The following SMG1 variants were observed in gnomAD, a reference collection of about 807,000 sequenced individuals.
SMG1 encodes the protein SMG1 nonsense mediated mRNA decay associated PI3K related kinase, also known as serine/threonine-protein kinase SMG1.
Under a neutral mutation model 419.9 loss-of-function variants are expected in SMG1, and 22 were observed. The observed-to-expected ratio is 0.05, with a 90% CI of 0.04 to 0.07. The LOEUF is 0.07. Ranked by LOEUF, SMG1 falls within the 10% of genes least tolerant of loss-of-function variation. The pLI is 1.00. For synonymous variants in SMG1, 1,538 were observed against 1,553.5 expected, an observed-to-expected ratio of 0.99 and a Z score of 0.23; for missense variants, 3,185 against 4,342.0, an observed-to-expected ratio of 0.73 and a Z score of 7.49.
Position 18,828,255 on chromosome 16 carries a change from C to T in SMG1, c.9604-87G>A, listed in dbSNP as rs369539262. 436 of 1,328,322 alleles carry T rather than the reference C, an allele frequency of 3.3e-4. 9 individuals are homozygous for T. The South Asian group carries it at 5.9e-3, about 18-fold the overall frequency. 82.3% of individuals were successfully genotyped at this position (1,328,322 alleles called of 1,614,324 possible). A position where few individuals can be genotyped will look rare whatever the true frequency, so the allele number is the denominator to read the frequency against. On this transcript the variant is annotated intron_variant, in intron 54 of 62. Transcript: ENST00000446231. Reference sequence around the variant, plus strand: ...GAAGGGAGGCGCAACCTAGGACTGGCGGAAGAGAAAAAAATCCCAGCTGCA... The same window carrying T: ...GAAGGGAGGCGCAACCTAGGACTGGTGGAAGAGAAAAAAATCCCAGCTGCA...
At chr16:18,844,474 TACACACACACACACACACACAC>T (rs71141074) in intron 39 of SMG1, among the ~76,000 whole-genome samples, 15 of 4,172 alleles carry the variant, frequency 3.6e-3, no homozygotes, top group African/African-American at 0.019. Flanking sequence ...CCCGCCCACC[TACACACACACACACACACACAC>T]ACACACACAC....
At chr16:18,810,242 G>A (rs2031254608) in intron 62 of SMG1, among the ~76,000 whole-genome samples, 1 of 152,176 alleles carries the variant, frequency 6.6e-6, no homozygotes, top group Admixed American at 6.5e-5. Context: ...AAACTGACAT[G>A]TGTCTCTTGA....
At chr16:18,919,529 C>G (rs1416772693) in intron 1 of SMG1, among the ~76,000 whole-genome samples, 1 of 151,436 alleles carries the variant, frequency 6.6e-6, no homozygotes, top group Non-Finnish European at 1.5e-5. Context: ...GAGGATGAGG[C>G]AGGAGAATGG....
Position 18,879,499 on chromosome 16 carries a change from G to A in SMG1, c.1514C>T (p.Thr505Met), listed in dbSNP as rs555498556. The part of the protein sequence containing the change: ...DYIISVLNLL[T>M]LIVEQINTKL... ...GGAAAAGAATAATTCACATACCAGC[G>A]TGAGTAAATTCAAGACTGAGATGAT... is the stretch of plus-strand genomic sequence containing the variant. The change falls in exon 11 of 63, where the codon ACG (threonine) becomes ATG (methionine). Residue 505 changes from threonine (T) to methionine (M), a missense_variant. Thr to Met is a moderately conservative substitution (Grantham distance 81). Around this residue, in one of 27 missense-constraint regions of SMG1, gnomAD observed 297 missense variants for 491.0 expected, o/e 0.60. Transcript: ENST00000446231. The A allele has an allele frequency of 2.3e-4, 184 of 815,364 alleles. 1 individual carries two copies. Among genetic ancestry groups the A allele is most frequent in the African/African-American group, 2.1e-3 (122 of 59,284 alleles). The allele number at this position is 815,364 out of a possible 1,614,324, so 50.5% of individuals were successfully genotyped here. A position where few individuals can be genotyped will look rare whatever the true frequency, so the allele number is the denominator to read the frequency against.
chr16:18,897,305 A>G (rs2037170567), intron 1 of SMG1, among the ~76,000 whole-genome samples: 2 of 152,214 alleles, frequency 1.3e-5, no homozygotes, highest in South Asian at 4.1e-4. Context: ...TTCTCCTCAC[A>G]TGACTTGATA....
chr16:18,900,544 A>G (rs1261376791), intron 1 of SMG1, among the ~76,000 whole-genome samples: 2 of 152,224 alleles, frequency 1.3e-5, no homozygotes, highest in East Asian at 3.8e-4. Flanking sequence ...CCTACTAGGA[A>G]GTATTTCCAT....
At chr16:18,860,518 T>C in intron 26 of SMG1, 149 bp downstream of exon 26, 3 of 533,858 alleles carry the variant, frequency 5.6e-6, no homozygotes, top group Admixed American at 3.5e-5. Flanking sequence ...CAAACATAAA[T>C]AGGGCAGCCC....
At chr16:18,820,137 T>C (rs1403806186) in intron 55 of SMG1, among the ~76,000 whole-genome samples, 2 of 152,064 alleles carry the variant, frequency 1.3e-5, no homozygotes, top group Admixed American at 1.3e-4. Context: ...GGCTAATTTT[T>C]GTAGTTTTAG....
Position 18,830,314 on chromosome 16 carries a change from C to G in SMG1, c.8848G>C (p.Glu2950Gln). The change falls in exon 52 of 63, where the codon GAA becomes CAA. Residue 2950 changes from glutamate (E) to glutamine (Q), a missense_variant. Physicochemically the swap from Glu to Gln is conservative, Grantham distance 29 (BLOSUM62 2). This residue lies in a region of SMG1 where 737 missense variants were observed against 846.6 expected (regional missense o/e 0.87). Coordinates refer to ENST00000446231, the MANE Select transcript of SMG1 (RefSeq NM_015092.5). ...LIQPRNGSVD[E>Q]TPKMSAGQML... ...TGGCCAGCTGACATTTTGGGTGTTT[C>G]ATCAACTGAACCATTTCTCGGTTGG... 1 of 1,613,942 alleles carries G rather than the reference C, an allele frequency of 6.2e-7. No homozygotes were observed.
intron 3 of SMG1, among the ~76,000 whole-genome samples, chr16:18,894,896 C>T (rs1214121567): frequency 6.6e-6 from 1 of 152,112 alleles, no homozygotes; most frequent in Non-Finnish European, 1.5e-5. Context: ...AAGCTCACTG[C>T]AAGCTCCACC....
intron 1 of SMG1, among the ~76,000 whole-genome samples, chr16:18,910,343 G>T (rs1232268299): frequency 6.6e-6 from 1 of 150,660 alleles, no homozygotes; most frequent in Admixed American, 6.7e-5. Flanking sequence ...CAATTCTCCT[G>T]CCTCAGCCTC....
chr16:18,925,857 T>C, intron 1 of SMG1, 93 bp downstream of exon 1: 1 of 973,836 alleles, frequency 1.0e-6, no homozygotes, highest in Non-Finnish European at 1.4e-6. Flanking sequence ...GTGGAGGGCC[T>C]AGGCCGCGCC....
intron 46 of SMG1, among the ~76,000 whole-genome samples, chr16:18,836,940 G>A (rs1264809954): frequency 6.6e-6 from 1 of 152,186 alleles, no homozygotes. Context: ...TTGTACAAAT[G>A]AGTAAGGACT....
intron 1 of SMG1, among the ~76,000 whole-genome samples, chr16:18,906,525 C>T (rs2037569926): frequency 6.6e-6 from 1 of 152,072 alleles, no homozygotes; most frequent in Admixed American, 6.6e-5. Flanking sequence ...AATACCTGCA[C>T]CTGATTCTAG....
In SMG1 at chr16:18,872,488, C is replaced by T. The variant is rs1348216065; in HGVS notation, c.2021+6G>A. 1 of 1,539,302 alleles carries T rather than the reference C, an allele frequency of 6.5e-7. No individual in the cohort carries two copies. Among genetic ancestry groups the T allele is most frequent in the East Asian group, 2.3e-5 (1 of 43,612 alleles). ...GGTTCTTAAGAAAAATTTGTAAATACAGTACCTGGTACAATGAGAATACAA... is the reference window on the plus strand; with the variant it reads ...GGTTCTTAAGAAAAATTTGTAAATATAGTACCTGGTACAATGAGAATACAA... On this transcript the variant is annotated splice_donor_region_variant and intron_variant, in intron 14 of 62. Coordinates refer to ENST00000446231, the MANE Select transcript of SMG1 (RefSeq NM_015092.5).
At position 18,816,430 on chromosome 16, in the gene SMG1, C is replaced by G; in HGVS notation, c.10174G>C (p.Glu3392Gln). ...ACCGTTTCTATCTGCTGCTCTTTCT[C>G]TGTCTGAATTGCCCTCTGAGTAGAC... ...DMSTQRAIQTEKEQQIETVCE... is the reference protein window; with the variant it reads ...DMSTQRAIQTQKEQQIETVCE... The change falls in exon 58 of 63, where the codon GAG (glutamate) becomes CAG (glutamine). Residue 3392 changes from glutamate to glutamine, a missense_variant. By Grantham distance (29) the Glu-to-Gln change is conservative. This residue lies in a region of SMG1 where 737 missense variants were observed against 846.6 expected (regional missense o/e 0.87). Coordinates refer to ENST00000446231, the MANE Select transcript of SMG1 (RefSeq NM_015092.5). The G allele has an allele frequency of 1.2e-6, 2 of 1,613,970 alleles. No homozygotes were observed. The highest frequency in any genetic ancestry group is 1.7e-6 in the Non-Finnish European group (2 of 1,179,862).
At chr16:18,916,145 G>T (rs1159998236) in intron 1 of SMG1, among the ~76,000 whole-genome samples, 1 of 98,118 alleles carries the variant, frequency 1.0e-5, no homozygotes, top group Admixed American at 1.1e-4. Context: ...TTATCTCAAA[G>T]AAGCACCACA....
At chr16:18,821,324 T>G in intron 55 of SMG1, among the ~76,000 whole-genome samples, 1 of 34,488 alleles carries the variant, frequency 2.9e-5, no homozygotes. Flanking sequence ...TACATATGTA[T>G]ACATGTGCCA....
chr16:18,907,214 G>A (rs372900735), intron 1 of SMG1, among the ~76,000 whole-genome samples: 9 of 151,686 alleles, frequency 5.9e-5, no homozygotes, highest in South Asian at 2.1e-4. Flanking sequence ...CCCAGGAGGC[G>A]GAGGTTGCAG....
Sources: gnomAD v4.1 joint callset for allele counts (sites outside exome capture counted in the v4.1 genomes callset) on GRCh38, gnomAD v4.1.1 for gene constraint, gnomAD v4.1.1 regional missense constraint, MANE v1.5 for transcripts, NCBI Gene and HGNC (gene_info 2026-07-23, HGNC 2026-07-21) for gene names.